Variants in KCNQ5 observed in about 807,000 individuals in gnomAD.
KCNQ5 encodes potassium voltage-gated channel subfamily KQT member 5.
In KCNQ5, 30 loss-of-function variants were observed where a neutral mutation model predicts 98.2. The observed-to-expected ratio is 0.31, with a 90% CI of 0.23 to 0.41. The LOEUF is 0.41. Among genes scored for constraint, KCNQ5 ranks in the 10% least tolerant of loss-of-function variants. The probability of loss-of-function intolerance (pLI) is 1.00; values close to 1 mark genes in which losing one functional copy is unlikely to be tolerated. For missense variants in KCNQ5, 835 were observed against 1,182.5 expected (o/e 0.71, Z 4.31); for synonymous variants, 458 against 449.4 (o/e 1.02, Z -0.24).
At chr6:73,108,767 C>G (rs1360286319) in intron 6 of KCNQ5, among the ~76,000 whole-genome samples, 2 of 152,042 alleles carry the variant, frequency 1.3e-5, no homozygotes, top group African/African-American at 4.8e-5. Context: ...GCGGAACTTG[C>G]AGTGAGCCGA....
chr6:72,767,595 A>G (rs1336799113), intron 1 of KCNQ5, among the ~76,000 whole-genome samples: 2 of 152,066 alleles, frequency 1.3e-5, no homozygotes, highest in Non-Finnish European at 2.9e-5. Flanking sequence ...CATATCCGAT[A>G]AGATTATAAT....
intron 1 of KCNQ5, among the ~76,000 whole-genome samples, chr6:72,636,868 T>A (rs2098924429): frequency 6.6e-6 from 1 of 152,224 alleles, no homozygotes; most frequent in African/African-American, 2.4e-5. Context: ...CAGTGGCATT[T>A]AGCTATTGCT....
intron 2 of KCNQ5, among the ~76,000 whole-genome samples, chr6:73,027,723 C>T (rs1453490752): frequency 1.3e-5 from 2 of 152,150 alleles, no homozygotes; most frequent in Admixed American, 6.5e-5. Flanking sequence ...AGTATATCCT[C>T]TTTTAATAAA....
intron 1 of KCNQ5, among the ~76,000 whole-genome samples, chr6:72,936,034 C>T (rs1365346273): frequency 6.6e-6 from 1 of 152,180 alleles, no homozygotes; most frequent in Non-Finnish European, 1.5e-5. Flanking sequence ...GTCTTCAAAT[C>T]CCATCTCTTC....
At chr6:73,082,955 T>A (rs9351968) in intron 5 of KCNQ5, among the ~76,000 whole-genome samples, 141,711 of 149,710 alleles carry the variant, frequency 0.95, 67,074 homozygotes, top group South Asian at 0.97. Context: ...CATTGGTGCA[T>A]TTATAGCTCG....
At chr6:73,053,298 G>A (rs141360659) in intron 3 of KCNQ5, among the ~76,000 whole-genome samples, 282 of 152,244 alleles carry the variant, frequency 1.9e-3, no homozygotes, top group African/African-American at 6.4e-3. Flanking sequence ...CAATAATAGT[G>A]GGAGACTTTA....
chr6:73,110,628 T>G (rs1775203845), intron 6 of KCNQ5, among the ~76,000 whole-genome samples: 2 of 152,234 alleles, frequency 1.3e-5, no homozygotes, highest in African/African-American at 4.8e-5. Context: ...CGTTCTTGTC[T>G]CTAGTGTACA....
intron 1 of KCNQ5, among the ~76,000 whole-genome samples, chr6:72,801,457 T>C (rs1313189292): frequency 1.5e-5 from 2 of 136,858 alleles, no homozygotes; most frequent in Non-Finnish European, 3.1e-5. Flanking sequence ...ACCCCTGCCT[T>C]TTTTTGTTTT....
intron 9 of KCNQ5, chr6:73,129,922 C>A: frequency 1.7e-6 from 2 of 1,187,632 alleles, no homozygotes; most frequent in Non-Finnish European, 2.5e-6. Context: ...CCAGGTTACA[C>A]CGCCACCCCA....
chr6:72,846,669 G>A (rs887246779), intron 1 of KCNQ5, among the ~76,000 whole-genome samples: 2 of 152,008 alleles, frequency 1.3e-5, no homozygotes, highest in African/African-American at 2.4e-5. Context: ...ACAGAGCAAG[G>A]CTCTTTCTAA....
At chr6:73,153,555 C>G (rs1193103081) in intron 10 of KCNQ5, among the ~76,000 whole-genome samples, 2 of 152,072 alleles carry the variant, frequency 1.3e-5, no homozygotes, top group Admixed American at 1.3e-4. Flanking sequence ...AAAAAGTAAT[C>G]AAGTTCAGTC....
intron 1 of KCNQ5, among the ~76,000 whole-genome samples, chr6:72,854,298 A>T (rs1251054845): frequency 1.3e-5 from 2 of 152,144 alleles, no homozygotes; most frequent in African/African-American, 4.8e-5. Flanking sequence ...GTTGTATTGA[A>T]CTTTCAAATT....
At chr6:72,858,016 G>C (rs1040328774) in intron 1 of KCNQ5, among the ~76,000 whole-genome samples, 2 of 152,088 alleles carry the variant, frequency 1.3e-5, no homozygotes, top group African/African-American at 4.8e-5. Flanking sequence ...AAATATATTT[G>C]AGTGAAAAAT....
intron 1 of KCNQ5, among the ~76,000 whole-genome samples, chr6:72,979,046 A>G (rs889129773): frequency 1.3e-5 from 2 of 152,196 alleles, no homozygotes; most frequent in African/African-American, 2.4e-5. Context: ...CATGGTGTAT[A>G]TGTGCCACAT....
chr6:72,904,746 T>C (rs1200039857), intron 1 of KCNQ5, among the ~76,000 whole-genome samples: 1 of 152,228 alleles, frequency 6.6e-6, no homozygotes, highest in Admixed American at 6.5e-5. Context: ...GTTAATCTAA[T>C]AGGTTTTCCT....
At chr6:72,975,309 CT>C (rs887282380) in intron 1 of KCNQ5, among the ~76,000 whole-genome samples, 5 of 151,758 alleles carry the variant, frequency 3.3e-5, no homozygotes, top group Non-Finnish European at 1.5e-5. Flanking sequence ...AAAAACATAC[CT>C]TTTTTCTTTA....
At chr6:72,756,677 G>C (rs1477498107) in intron 1 of KCNQ5, among the ~76,000 whole-genome samples, 2 of 151,946 alleles carry the variant, frequency 1.3e-5, no homozygotes, top group African/African-American at 2.4e-5. Context: ...AGATATTTGG[G>C]GGTGATGGTA....
chr6:73,103,478 C>T (rs1157435371), intron 5 of KCNQ5, among the ~76,000 whole-genome samples: 1 of 24,462 alleles, frequency 4.1e-5, no homozygotes, highest in Admixed American at 6.7e-4. Context: ...CATACTGGGG[C>T]CTGTCATGGG....
intron 1 of KCNQ5, among the ~76,000 whole-genome samples, chr6:72,907,588 A>G (rs1246581064): frequency 1.3e-5 from 2 of 152,122 alleles, no homozygotes; most frequent in African/African-American, 4.8e-5. Context: ...CTTGGTGTTT[A>G]TTTCCTCCTA....
Sources: allele counts gnomAD v4.1 joint callset (sites outside exome capture counted in the v4.1 genomes callset), GRCh38; gene constraint gnomAD v4.1.1; transcripts MANE v1.5; gene names NCBI Gene and HGNC (gene_info 2026-07-23, HGNC 2026-07-21).